SGCZ: variants seen among roughly 807,000 people sequenced by gnomAD.
The protein encoded by SGCZ is zeta-sarcoglycan.
A neutral mutation model predicts 41.3 loss-of-function variants in SGCZ; 40 were observed. The observed-to-expected ratio is 0.97, with a 90% CI of 0.75 to 1.26. The LOEUF (loss-of-function observed/expected upper bound fraction) is 1.26, where lower values mean the gene tolerates loss of function less well. SGCZ is among the 50% of genes most tolerant of loss of function. The pLI is 0.00. For synonymous variants in SGCZ, 206 were observed against 137.5 expected, an observed-to-expected ratio of 1.50 and a Z score of -3.49; for missense variants, 552 against 369.8, an observed-to-expected ratio of 1.49 and a Z score of -4.04.
At chr8:14,566,868 C>G (rs1428750388) in intron 1 of SGCZ, among the ~76,000 whole-genome samples, 1 of 152,174 alleles carries the variant, frequency 6.6e-6, no homozygotes, top group African/African-American at 2.4e-5. Context: ...TGCTTGCGGG[C>G]CAGTGCGAGT....
chr8:14,645,478 T>TC (rs1807178145), intron 1 of SGCZ, among the ~76,000 whole-genome samples: 3 of 106,594 alleles, frequency 2.8e-5, no homozygotes, highest in African/African-American at 8.8e-5. Flanking sequence ...ATATATATAT[T>TC]TATATGTATA....
rs547353080 is a variant in SGCZ at position 14,454,516 on chromosome 8, C to A, written c.234+100216G>T. 3.3e-4 allele frequency among the ~76,000 whole-genome samples: 50 copies of A among 151,926 alleles called. 1 individual carries two copies. The highest frequency in any genetic ancestry group is 1.2e-3 in the African/African-American group (48 of 41,414). Reference sequence around the variant, plus strand: ...AATTAAGACCAATACCAGTAAAATACCAATAATCTATATTAGGGAGTTAAA... The same window carrying A: ...AATTAAGACCAATACCAGTAAAATAACAATAATCTATATTAGGGAGTTAAA... On this transcript the variant is annotated intron_variant, in intron 2 of 7. Coordinates refer to ENST00000382080, the MANE Select transcript of SGCZ (RefSeq NM_139167.4).
At chr8:14,173,581 T>C (rs751624330) in intron 4 of SGCZ, among the ~76,000 whole-genome samples, 5 of 151,958 alleles carry the variant, frequency 3.3e-5, no homozygotes, top group Non-Finnish European at 5.9e-5. Flanking sequence ...GCAGCAGAGA[T>C]AAATGAAGAC....
chr8:15,084,739 G>A (rs913792919), intron 1 of SGCZ, among the ~76,000 whole-genome samples: 9 of 152,098 alleles, frequency 5.9e-5, no homozygotes, highest in African/African-American at 2.2e-4. Flanking sequence ...GCAATGGAGT[G>A]AGACTCCATC....
At chr8:14,504,330 C>T (rs556707229) in intron 2 of SGCZ, among the ~76,000 whole-genome samples, 1 of 152,242 alleles carries the variant, frequency 6.6e-6, no homozygotes, top group Admixed American at 6.5e-5. Flanking sequence ...TTAATCAGGG[C>T]CCATGGGGGC....
intron 3 of SGCZ, among the ~76,000 whole-genome samples, chr8:14,253,152 T>A (rs375520645): frequency 5.9e-5 from 9 of 152,092 alleles, no homozygotes; most frequent in East Asian, 3.9e-4. Context: ...AAACAGTAGA[T>A]AACTTGAAAT....
chr8:14,313,725 G>A (rs888092844), intron 3 of SGCZ, among the ~76,000 whole-genome samples: 3 of 152,076 alleles, frequency 2.0e-5, no homozygotes, highest in Admixed American at 6.6e-5. Flanking sequence ...GCATCTCAGC[G>A]TTACCCTTTT....
intron 1 of SGCZ, among the ~76,000 whole-genome samples, chr8:14,704,756 G>A (rs1207010839): frequency 6.6e-6 from 1 of 151,820 alleles, no homozygotes; most frequent in Non-Finnish European, 1.5e-5. Flanking sequence ...TTTTTAAGAT[G>A]CTACTCCCTT....
intron 2 of SGCZ, among the ~76,000 whole-genome samples, chr8:14,490,004 A>G (rs956148456): frequency 9.9e-5 from 15 of 151,786 alleles, no homozygotes; most frequent in African/African-American, 3.1e-4. Flanking sequence ...AGTAGCTAGG[A>G]TTAAAGGTGC....
chr8:15,087,329 T>C (rs1434875702), intron 1 of SGCZ, among the ~76,000 whole-genome samples: 1 of 152,102 alleles, frequency 6.6e-6, no homozygotes, highest in African/African-American at 2.4e-5. Flanking sequence ...TTTTCTAGTA[T>C]TTCCTGTGTA....
intron 1 of SGCZ, among the ~76,000 whole-genome samples, chr8:14,774,448 G>A (rs1017360110): frequency 1.7e-4 from 26 of 152,138 alleles, no homozygotes; most frequent in African/African-American, 6.3e-4. Context: ...TTAACGTTTA[G>A]GATTGTTCAC....
chr8:14,681,685 T>A (rs899936935), intron 1 of SGCZ, among the ~76,000 whole-genome samples: 6 of 152,174 alleles, frequency 3.9e-5, no homozygotes, highest in Middle Eastern at 3.2e-3. Context: ...TACTCAGATC[T>A]AAAATAATTA....
chr8:14,891,300 T>C (rs1449304935), intron 1 of SGCZ, among the ~76,000 whole-genome samples: 4 of 152,314 alleles, frequency 2.6e-5, no homozygotes, highest in East Asian at 1.9e-4. Flanking sequence ...CCATGATTCA[T>C]GAAAGGAGGT....
chr8:14,878,649 G>A (rs1019604395), intron 1 of SGCZ, among the ~76,000 whole-genome samples: 1 of 152,160 alleles, frequency 6.6e-6, no homozygotes, highest in African/African-American at 2.4e-5. Flanking sequence ...TTTCAGAAAA[G>A]CTATGTCAAG....
intron 2 of SGCZ, among the ~76,000 whole-genome samples, chr8:14,361,580 CT>C (rs1241458393): frequency 6.6e-6 from 1 of 152,160 alleles, no homozygotes; most frequent in Non-Finnish European, 1.5e-5. Flanking sequence ...AGCCATTCAT[CT>C]AAGCTTTTTT....
In SGCZ at chr8:14,180,885, G is replaced by A. The variant is rs146867112; in HGVS notation, c.425-16183C>T. 2.8e-3 allele frequency among the ~76,000 whole-genome samples: 420 copies of A among 151,880 alleles called. 2 individuals carry two copies. Among genetic ancestry groups the A allele is most frequent in the African/African-American group, 8.8e-3 (364 of 41,390 alleles). ...GCCCCCATACTAGATTGGTTTTACG[G>A]CAGTGGGGAGTGCCATGAAGACTAC... On this transcript the variant is annotated intron_variant, in intron 4 of 7. Coordinates refer to ENST00000382080, the MANE Select transcript of SGCZ (RefSeq NM_139167.4).
intron 2 of SGCZ, among the ~76,000 whole-genome samples, chr8:14,366,920 T>A (rs1803729721): frequency 6.6e-6 from 1 of 152,166 alleles, no homozygotes; most frequent in Non-Finnish European, 1.5e-5. Context: ...TGGAGACATT[T>A]TCCCCAACGT....
At chr8:14,325,209 C>G (rs1394742900) in intron 2 of SGCZ, among the ~76,000 whole-genome samples, 1 of 151,984 alleles carries the variant, frequency 6.6e-6, no homozygotes, top group Non-Finnish European at 1.5e-5. Flanking sequence ...CTAACTGATA[C>G]AGTATTACTA....
chr8:14,604,855 T>C (rs1170595735), intron 1 of SGCZ, among the ~76,000 whole-genome samples: 1 of 152,200 alleles, frequency 6.6e-6, no homozygotes, highest in Non-Finnish European at 1.5e-5. Flanking sequence ...TATATTGGAA[T>C]AAGAAGACTT....
Sources: gnomAD v4.1 joint callset for allele counts (sites outside exome capture counted in the v4.1 genomes callset) on GRCh38, gnomAD v4.1.1 for gene constraint, MANE v1.5 for transcripts, NCBI Gene and HGNC (gene_info 2026-07-23, HGNC 2026-07-21) for gene names.